RORC: variants seen among roughly 807,000 people sequenced by gnomAD.
The protein encoded by RORC is RAR related orphan receptor C, also known as nuclear receptor ROR-gamma.
In RORC, 13 loss-of-function variants were observed where a neutral mutation model predicts 64.5. The observed-to-expected ratio is 0.20, with a 90% CI of 0.13 to 0.32. The LOEUF (loss-of-function observed/expected upper bound fraction) is 0.32, where lower values mean the gene tolerates loss of function less well. Ranked by LOEUF, RORC falls within the 10% of genes least tolerant of loss-of-function variation. RORC has a pLI of 1.00. For synonymous variants in RORC, 277 were observed against 259.3 expected (o/e 1.07, Z -0.65); for missense variants, 468 against 669.5 (o/e 0.70, Z 3.32).
chr1:151,809,496 C>T lies in RORC; in HGVS notation c.1395+1829G>A, dbSNP rs139162279. ...ATTTTTAAAAGGGCTACCGTGGGTG[C>T]GGAGTAGGTGTGGTTGCTACAGGGC... On this transcript the variant is annotated intron_variant, in intron 10 of 10. Transcript: ENST00000318247. Among the ~76,000 whole-genome samples the T allele has an allele frequency of 2.2e-3, 336 of 150,478 alleles. 2 individuals are homozygous for T. The highest frequency in any genetic ancestry group is 7.9e-3 in the African/African-American group (315 of 39,878).
At chr1:151,831,599 C>T (rs911673306) in intron 1 of RORC, 126 bp downstream of exon 1, 2 of 1,584,530 alleles carry the variant, frequency 1.3e-6, no homozygotes, top group African/African-American at 2.7e-5. Context: ...CAACCCAGGG[C>T]TTTCTCCTCT....
intron 2 of RORC, among the ~76,000 whole-genome samples, chr1:151,827,952 AC>A (rs1174381967): frequency 1.5e-5 from 2 of 136,210 alleles, no homozygotes; most frequent in East Asian, 4.7e-4. Flanking sequence ...AAGGTCCGTG[AC>A]CCCCCTCCCC....
rs1303813403 is a variant in RORC, at chr1:151,806,297, G to C, written c.*1175C>G. On this transcript the variant is annotated 3_prime_UTR_variant, in exon 11 of 11. Transcript: ENST00000318247. ...AAACAGGCCCAGGCCCTGCTCCCTG[G>C]TGTCCTCCATGCTGGAGTCAGCGGT... is the stretch of plus-strand genomic sequence containing the variant. 6.5e-6 allele frequency: 1 copy of C among 153,664 alleles called. No individual in the cohort carries two copies. Among genetic ancestry groups the C allele is most frequent in the Non-Finnish European group, 1.5e-5 (1 of 68,098 alleles). The allele number at this position is 153,664 out of a possible 1,614,324, so 9.5% of individuals were successfully genotyped here.
intron 4 of RORC, 100 bp from the exon 5 acceptor site, chr1:151,815,525 T>A: frequency 3.5e-6 from 5 of 1,419,348 alleles, no homozygotes; most frequent in Non-Finnish European, 4.7e-6. Context: ...CTTGCTGCTC[T>A]CTGAATGGCT....
At chr1:151,825,114 A>T (rs986049360) in intron 2 of RORC, among the ~76,000 whole-genome samples, 1 of 152,180 alleles carries the variant, frequency 6.6e-6, no homozygotes, top group Non-Finnish European at 1.5e-5. Context: ...TGGAAGGCAC[A>T]GGAACCCCAG....
chr1:151,814,752 T>C (rs2101658223), intron 5 of RORC, 57 bp from the exon 6 acceptor site: 1 of 1,576,584 alleles, frequency 6.3e-7, no homozygotes, highest in Non-Finnish European at 8.6e-7. Flanking sequence ...CGCCTACCCA[T>C]GCAAGGGCAC....
At chr1:151,810,922 A>G (rs978738428) in intron 10 of RORC, among the ~76,000 whole-genome samples, 14 of 152,196 alleles carry the variant, frequency 9.2e-5, no homozygotes, top group African/African-American at 3.4e-4. Flanking sequence ...TGTTAATTGC[A>G]TTATTATTAT....
rs1218128111 is a variant in RORC at position 151,812,609 on chromosome 1, T to A, written c.1285+338A>T. The A allele has an allele frequency of 3.0e-5, 6 of 200,604 alleles. No homozygotes were observed. The East Asian group carries it at 7.6e-4, about 25-fold the overall frequency. The allele number at this position is 200,604 out of a possible 1,614,324, so 12.4% of individuals were successfully genotyped here. On this transcript the variant is annotated intron_variant, in intron 9 of 10. Coordinates refer to ENST00000318247, the MANE Select transcript of RORC (RefSeq NM_005060.4). ...AGTGGGACCCAGGCAGCAATAGTTT[T>A]TAAAGCTCCCCAGGTGATTCTGATG... is the stretch of plus-strand genomic sequence containing the variant.
chr1:151,808,914 A>G (rs765488303), intron 10 of RORC, among the ~76,000 whole-genome samples: 5 of 152,200 alleles, frequency 3.3e-5, no homozygotes, highest in Non-Finnish European at 7.3e-5. Flanking sequence ...TAGCAGGTAC[A>G]AAAGCCCTGC....
rs1213512920 is a variant in RORC, at chr1:151,815,290, TCTGCTCCTTGGGCCC to T, written c.419_433del (p.Gly140_Ala144del). 6.2e-7 allele frequency: 1 copy of T among 1,609,890 alleles called. No individual in the cohort carries two copies. The highest frequency in any genetic ancestry group is 8.5e-7 in the Non-Finnish European group (1 of 1,177,302). ...GAGCCCCAAGGTGTAGGTGAGGGTA[TCTGCTCCTTGGGCCC>T]CTGCTGGAGGGGTCTTGACCACTGG... On this transcript the variant is annotated inframe_deletion, in exon 5 of 11. Transcript: ENST00000318247.
intron 2 of RORC, among the ~76,000 whole-genome samples, chr1:151,822,354 C>A (rs192611522): frequency 6.6e-6 from 1 of 152,188 alleles, no homozygotes; most frequent in East Asian, 1.9e-4. Context: ...CGAACACTAC[C>A]CCCAGCCCAG....
intron 3 of RORC, 60 bp downstream of exon 3, chr1:151,817,123 TGTGTGTGTGCGC>T: frequency 1.1e-6 from 1 of 924,182 alleles, no homozygotes; most frequent in South Asian, 1.3e-5. Context: ...TGTGTGTGTG[TGTGTGTGTGCGC>T]GCGCGCGCGC....
intron 2 of RORC, among the ~76,000 whole-genome samples, chr1:151,828,266 C>T (rs990879289): frequency 6.6e-5 from 10 of 152,134 alleles, no homozygotes; most frequent in Admixed American, 2.0e-4. Flanking sequence ...AGTCAAGGGA[C>T]GGCTATGGAG....
In RORC at chr1:151,807,613, A is replaced by T. The variant is rs531978363; in HGVS notation, c.1416T>A (p.Leu472=). 1 of 1,614,174 alleles carries T rather than the reference A, an allele frequency of 6.2e-7. No homozygotes were observed. Among genetic ancestry groups the T allele is most frequent in the East Asian group, 2.2e-5 (1 of 44,886 alleles). ...CCACATGCTGGCTACACAGGCTCCG[A>T]AGCTTCCCCTTGGGTGGCAGCTGGA... ...ILAKLPPKGK[L]RSLCSQHVER... The change falls in exon 11 of 11, where the codon CTT becomes CTA. Residue 472 remains leucine (L), a synonymous_variant. Coordinates refer to ENST00000318247, the MANE Select transcript of RORC (RefSeq NM_005060.4). The surrounding 1 kb of genome is among the most constrained non-coding windows in gnomAD (Gnocchi z 5.0).
intron 10 of RORC, among the ~76,000 whole-genome samples, chr1:151,808,113 A>G (rs755616799): frequency 4.6e-5 from 7 of 152,112 alleles, no homozygotes; most frequent in Non-Finnish European, 1.5e-5. Context: ...TGTAGCACTT[A>G]CTACATTGCA....
rs1358490002 is a variant in RORC at position 151,830,171 on chromosome 1, G to C, written c.41-713C>G. Among the ~76,000 whole-genome samples the C allele has an allele frequency of 6.6e-6, 1 of 152,150 alleles. No homozygotes were observed. The highest frequency in any genetic ancestry group is 6.5e-5 in the Admixed American group (1 of 15,280). On this transcript the variant is annotated intron_variant, in intron 1 of 10. Coordinates refer to ENST00000318247, the MANE Select transcript of RORC (RefSeq NM_005060.4). The surrounding 1 kb of genome is among the most constrained non-coding windows in gnomAD (Gnocchi z 4.0). ...AGTTGCAAATACAGACCCCTCTCTG[G>C]CTTCCACGGGCCAGGCTTCCCTGGC...
intron 7 of RORC, 65 bp from the exon 8 acceptor site, chr1:151,813,411 CCT>C (rs1305442772): frequency 2.9e-5 from 47 of 1,609,390 alleles, no homozygotes; most frequent in Non-Finnish European, 1.0e-5. Context: ...ACTCTGTCCC[CCT>C]GATTTCCTTA....
At position 151,815,170 on chromosome 1, in the gene RORC, G is replaced by A. The variant is rs1221911394; in HGVS notation, c.554C>T (p.Ser185Leu). 1 of 1,613,882 alleles carries A rather than the reference G, an allele frequency of 6.2e-7. No homozygotes were observed. The highest frequency in any genetic ancestry group is 8.5e-7 in the Non-Finnish European group (1 of 1,179,948). ...TGCCTTGGCCAAGTTGTTGGAATAT[G>A]AGGGCCCAGAGCCTGAGGCTTTCAG... ...GLLKASGSGP[S>L]YSNNLAKAGL... Residue 185 changes from serine to leucine, a missense_variant, in exon 5 of 11, where the codon TCA (serine) becomes TTA (leucine). By Grantham distance (145) the Ser-to-Leu change is moderately radical (BLOSUM62 -2). Around this residue, in one of 5 missense-constraint regions of RORC, gnomAD observed 241 missense variants for 295.5 expected, o/e 0.82. Transcript: ENST00000318247.
chr1:151,828,497 C>T (rs1652282257), intron 2 of RORC, among the ~76,000 whole-genome samples: 1 of 152,174 alleles, frequency 6.6e-6, no homozygotes, highest in Non-Finnish European at 1.5e-5. Context: ...TCTCTGAGCT[C>T]TAGTGCCCTT....
Sources: allele counts gnomAD v4.1 joint callset (sites outside exome capture counted in the v4.1 genomes callset), GRCh38; gene constraint gnomAD v4.1.1; regional missense constraint gnomAD v4.1.1; non-coding constraint Gnocchi (gnomAD v3.1); transcripts MANE v1.5; gene names NCBI Gene and HGNC (gene_info 2026-07-23, HGNC 2026-07-21).